GRID2: variants seen among roughly 807,000 people sequenced by gnomAD.
GRID2 encodes the protein glutamate ionotropic receptor delta type subunit 2.
GRID2 carries 33 observed loss-of-function variants against 114.8 expected under a neutral mutation model. The observed-to-expected ratio is 0.29, with a 90% CI of 0.22 to 0.38. The LOEUF (loss-of-function observed/expected upper bound fraction) is 0.38. GRID2 is among the 10% of genes least tolerant of loss of function. GRID2 has a pLI of 1.00. For synonymous variants in GRID2, 505 were observed against 449.9 expected (o/e 1.12, Z -1.55); for missense variants, 1,184 against 1,257.7 (o/e 0.94, Z 0.89).
At chr4:92,450,028 A>G (rs1209510313) in intron 1 of GRID2, among the ~76,000 whole-genome samples, 1 of 152,008 alleles carries the variant, frequency 6.6e-6, no homozygotes, top group African/African-American at 2.4e-5. Context: ...ATGGGTATCA[A>G]ATATGTCAGA....
chr4:92,570,033 A>G (rs893228529), intron 1 of GRID2, among the ~76,000 whole-genome samples: 8 of 152,044 alleles, frequency 5.3e-5, no homozygotes, highest in Non-Finnish European at 1.0e-4. Flanking sequence ...ATCTTTGCCT[A>G]TGCCTATGTC....
intron 14 of GRID2, among the ~76,000 whole-genome samples, chr4:93,670,819 A>T (rs1724347496): frequency 6.6e-6 from 1 of 152,232 alleles, no homozygotes; most frequent in Non-Finnish European, 1.5e-5. Context: ...AAAATCACTG[A>T]GTCCATCCAG....
At chr4:92,704,142 G>T (rs927657738) in intron 2 of GRID2, among the ~76,000 whole-genome samples, 1 of 152,106 alleles carries the variant, frequency 6.6e-6, no homozygotes, top group Non-Finnish European at 1.5e-5. Flanking sequence ...GCTGGGCGTC[G>T]CGGCGGGCGC....
chr4:93,102,918 T>G (rs1731836313), intron 3 of GRID2, among the ~76,000 whole-genome samples: 2 of 151,840 alleles, frequency 1.3e-5, no homozygotes, highest in South Asian at 4.2e-4. Flanking sequence ...AAATGTTGAC[T>G]GCAAATGATT....
intron 2 of GRID2, among the ~76,000 whole-genome samples, chr4:92,703,630 T>TA: frequency 6.8e-6 from 1 of 148,074 alleles, no homozygotes; most frequent in Non-Finnish European, 1.5e-5. Context: ...TATATATATA[T>TA]ATATATATAT....
intron 14 of GRID2, among the ~76,000 whole-genome samples, chr4:93,683,922 A>T (rs1725839237): frequency 6.6e-6 from 1 of 152,116 alleles, no homozygotes. Context: ...GACTTTATTC[A>T]GGAACATTGC....
At chr4:92,343,665 C>T (rs28612641) in intron 1 of GRID2, among the ~76,000 whole-genome samples, 3 of 151,208 alleles carry the variant, frequency 2.0e-5, no homozygotes, top group Non-Finnish European at 3.0e-5. Flanking sequence ...CCTCTGCCTC[C>T]GAGGTTCAAG....
In GRID2 at chr4:93,448,448, G is replaced by A. The variant is rs1722300768; in HGVS notation, c.1546-7214G>A. 3.9e-5 allele frequency among the ~76,000 whole-genome samples: 6 copies of A among 151,906 alleles called. No individual in the cohort carries two copies. The South Asian group carries it at 1.0e-3, about 26-fold the overall frequency. On this transcript the variant is annotated intron_variant, in intron 10 of 15. Transcript: ENST00000282020. ...AAATAAGATACATTTTTGGGATATG[G>A]ATCAAACACTACACCCTCATAATAT...
intron 13 of GRID2, among the ~76,000 whole-genome samples, chr4:93,529,641 A>G (rs902764465): frequency 6.6e-6 from 1 of 152,108 alleles, no homozygotes; most frequent in Non-Finnish European, 1.5e-5. Flanking sequence ...AATCCAAAAT[A>G]TTTGATCACC....
At chr4:92,378,240 A>T (rs1729446956) in intron 1 of GRID2, among the ~76,000 whole-genome samples, 2 of 152,100 alleles carry the variant, frequency 1.3e-5, no homozygotes, top group Admixed American at 1.3e-4. Flanking sequence ...CTTAAATTTT[A>T]TCAAAAGATT....
chr4:93,772,583 T>A lies in GRID2; in HGVS notation c.*85T>A. 3 of 947,856 alleles carry A rather than the reference T, an allele frequency of 3.2e-6. No homozygotes were observed. Among genetic ancestry groups the A allele is most frequent in the Non-Finnish European group, 3.2e-6 (2 of 631,512 alleles). The allele number at this position is 947,856 out of a possible 1,614,324, so 58.7% of individuals were successfully genotyped here. A position where few individuals can be genotyped will look rare whatever the true frequency, so the allele number is the denominator to read the frequency against. On this transcript the variant is annotated 3_prime_UTR_variant, in exon 16 of 16. Coordinates refer to ENST00000282020, the MANE Select transcript of GRID2 (RefSeq NM_001510.4). ...TAATATTGTGGGACTAACATGGATG[T>A]AACGTTTAAAAAAAAGATCAGGATT...
intron 13 of GRID2, among the ~76,000 whole-genome samples, chr4:93,544,708 C>T (rs1733023777): frequency 6.7e-6 from 1 of 148,182 alleles, no homozygotes; most frequent in African/African-American, 2.5e-5. Flanking sequence ...ACTCGGGAGG[C>T]GGAGACTGCA....
intron 1 of GRID2, among the ~76,000 whole-genome samples, chr4:92,428,770 ATAGT>A (rs1281458919): frequency 6.6e-6 from 1 of 152,288 alleles, no homozygotes; most frequent in East Asian, 1.9e-4. Flanking sequence ...CACTTCCATG[ATAGT>A]TAAACTAGTA....
intron 2 of GRID2, among the ~76,000 whole-genome samples, chr4:92,673,769 A>G (rs1579815079): frequency 6.6e-6 from 1 of 152,206 alleles, no homozygotes; most frequent in Non-Finnish European, 1.5e-5. Context: ...TGGGAATTGA[A>G]CAATGAGAAC....
intron 2 of GRID2, among the ~76,000 whole-genome samples, chr4:92,836,173 A>T (rs915736878): frequency 6.6e-5 from 10 of 152,120 alleles, no homozygotes; most frequent in African/African-American, 2.4e-4. Context: ...AGTGACAGAG[A>T]TCATACGGTT....
intron 2 of GRID2, among the ~76,000 whole-genome samples, chr4:92,725,192 T>G (rs961723021): frequency 6.6e-6 from 1 of 152,044 alleles, no homozygotes; most frequent in East Asian, 1.9e-4. Flanking sequence ...TCCTAGCTAC[T>G]TGGGAGGCTG....
intron 2 of GRID2, among the ~76,000 whole-genome samples, chr4:92,932,869 T>A (rs11732727): frequency 1.1e-4 from 17 of 151,342 alleles, no homozygotes; most frequent in Non-Finnish European, 2.2e-4. Flanking sequence ...TATACGGAAT[T>A]TGTAAAGTAG....
chr4:92,794,768 G>GA (rs1739768366), intron 2 of GRID2, among the ~76,000 whole-genome samples: 1 of 150,796 alleles, frequency 6.6e-6, no homozygotes, highest in African/African-American at 2.4e-5. Flanking sequence ...TTGTGCAGTT[G>GA]AAAATCCATG....
rs183975889 is a variant in GRID2 at position 92,860,237 on chromosome 4, G to A, written c.245-224758G>A. Among the ~76,000 whole-genome samples, 32 of 152,176 alleles carry A rather than the reference G, an allele frequency of 2.1e-4. No homozygotes were observed. The South Asian group carries it at 4.6e-3, about 22-fold the overall frequency. ...CAGAGTTGAATAGAACGTAAGAGGT[G>A]ACAAATAAACATTGTGTCCACCTAA... is the stretch of plus-strand genomic sequence containing the variant. On this transcript the variant is annotated intron_variant, in intron 2 of 15. Coordinates refer to ENST00000282020, the MANE Select transcript of GRID2 (RefSeq NM_001510.4).
Sources: allele counts gnomAD v4.1 joint callset (sites outside exome capture counted in the v4.1 genomes callset), GRCh38; gene constraint gnomAD v4.1.1; transcripts MANE v1.5; gene names NCBI Gene and HGNC (gene_info 2026-07-23, HGNC 2026-07-21).